TMEM175: variants seen among roughly 807,000 people sequenced by gnomAD.
The protein encoded by TMEM175 is endosomal/lysosomal proton channel TMEM175.
A neutral mutation model predicts 36.5 loss-of-function variants in TMEM175; 36 were observed. That is an observed-to-expected ratio of 0.99 (90% CI 0.76 to 1.30). The LOEUF (loss-of-function observed/expected upper bound fraction) is 1.30, where lower values mean the gene tolerates loss of function less well. TMEM175 is among the 50% of genes most tolerant of loss of function. TMEM175 has a pLI of 0.00. For synonymous variants in TMEM175, 339 were observed against 313.4 expected, an observed-to-expected ratio of 1.08 and a Z score of -0.86; for missense variants, 705 against 692.8, an observed-to-expected ratio of 1.02 and a Z score of -0.20.
intron 8 of TMEM175, among the ~76,000 whole-genome samples, chr4:955,180 G>A (rs1192726630): frequency 1.3e-5 from 2 of 152,124 alleles, no homozygotes; most frequent in African/African-American, 2.4e-5. Flanking sequence ...GGGCCCAAGC[G>A]ATCCACCTGC....
intron 3 of TMEM175, 168 bp downstream of exon 3, chr4:948,322 C>G: frequency 6.5e-7 from 1 of 1,543,130 alleles, no homozygotes; most frequent in East Asian, 2.4e-5. Context: ...GCCAACAAGT[C>G]CTGCTCAGCC....
Position 958,450 on chromosome 4 carries a change from C to A in TMEM175, c.1469C>A (p.Thr490Lys). 6.3e-7 allele frequency: 1 copy of A among 1,580,714 alleles called. No individual in the cohort carries two copies. The highest frequency in any genetic ancestry group is 8.5e-7 in the Non-Finnish European group (1 of 1,169,640). ...CCCGAACACCCCCCGCCAGCCCCCA[C>A]GGGCCAGGACGACCCACAGTCCCAG... is the stretch of plus-strand genomic sequence containing the variant. The part of the protein sequence containing the change: ...ARPEHPPPAP[T>K]GQDDPQSQLL... The change falls in exon 11 of 11, where the codon ACG becomes AAG. Residue 490 changes from threonine to lysine, a missense_variant. Coordinates refer to ENST00000264771, the MANE Select transcript of TMEM175 (RefSeq NM_032326.4).
chr4:957,252 T>A (rs3733344), intron 10 of TMEM175, among the ~76,000 whole-genome samples: 1 of 151,414 alleles, frequency 6.6e-6, no homozygotes, highest in African/African-American at 2.4e-5. Flanking sequence ...TGTCCTTCAC[T>A]TCCCGATGTT....
rs1403699583 is a variant in TMEM175, at chr4:955,476, G to C, written c.699G>C (p.Arg233Ser). ...VSKVTGWCRD[R>S]LLGHREPSAH... Reference sequence around the variant, plus strand: ...AGGTCACCGGCTGGTGCAGAGACAGGCTCCTGGGTAGGTGATGACTGGGTG... The same window carrying C: ...AGGTCACCGGCTGGTGCAGAGACAGCCTCCTGGGTAGGTGATGACTGGGTG... The change falls in exon 9 of 11, where the codon AGG becomes AGC. Residue 233 changes from arginine (R) to serine (S), a missense_variant. By Grantham distance (110) the Arg-to-Ser change is moderately radical. Transcript: ENST00000264771. The C allele has an allele frequency of 6.2e-7, 1 of 1,614,014 alleles. No homozygotes were observed. Among genetic ancestry groups the C allele is most frequent in the Non-Finnish European group, 8.5e-7 (1 of 1,179,942 alleles).
At chr4:956,457 T>G in intron 10 of TMEM175, 1 of 1,280,946 alleles carries the variant, frequency 7.8e-7, no homozygotes, top group Non-Finnish European at 1.0e-6. Flanking sequence ...TTTTTTTTTT[T>G]TTTTTGAGAC....
In TMEM175 at chr4:956,152, C is replaced by T. The variant is rs553159115; in HGVS notation, c.842+262C>T. ...CGAGGATGGGGTGCCAGGGTGAGGT[C>T]AGCACCAGCAGCCAACTGCTCTCCT... On this transcript the variant is annotated intron_variant, in intron 10 of 10. Transcript: ENST00000264771. 5.0e-5 allele frequency: 34 copies of T among 683,910 alleles called. No homozygotes were observed. In the African/African-American group the frequency reaches 5.8e-4, roughly 12 times the overall value. 42.4% of individuals were successfully genotyped at this position (683,910 alleles called of 1,614,324 possible). A position where few individuals can be genotyped will look rare whatever the true frequency, so the allele number is the denominator to read the frequency against.
rs1372297154 is a variant in TMEM175, at chr4:932,921, C to G, written c.-32+381C>G. Among the ~76,000 whole-genome samples the G allele has an allele frequency of 1.3e-5, 2 of 152,172 alleles. No individual in the cohort carries two copies. Among genetic ancestry groups the G allele is most frequent in the African/African-American group, 4.8e-5 (2 of 41,436 alleles). Reference sequence around the variant, plus strand: ...CCAGGGTCTGGCCTGGGGCAGTGACCAGTAGTGGGAGCCGTGGGCTAGAAA... The same window carrying G: ...CCAGGGTCTGGCCTGGGGCAGTGACGAGTAGTGGGAGCCGTGGGCTAGAAA... On this transcript the variant is annotated intron_variant, in intron 1 of 10. Coordinates refer to ENST00000264771, the MANE Select transcript of TMEM175 (RefSeq NM_032326.4). This position sits in a 1 kb window ranked among gnomAD's most constrained non-coding sequence, Gnocchi z 4.0.
At position 958,449 on chromosome 4, in the gene TMEM175, A is replaced by G. The variant is rs1277630814; in HGVS notation, c.1468A>G (p.Thr490Ala). ...GCCCGAACACCCCCCGCCAGCCCCC[A>G]CGGGCCAGGACGACCCACAGTCCCA... ...ARPEHPPPAPTGQDDPQSQLL... is the reference protein window; with the variant it reads ...ARPEHPPPAPAGQDDPQSQLL... The change falls in exon 11 of 11, where the codon ACG becomes GCG. Residue 490 changes from threonine to alanine, a missense_variant. By Grantham distance (58) the Thr-to-Ala change is moderately conservative. Coordinates refer to ENST00000264771, the MANE Select transcript of TMEM175 (RefSeq NM_032326.4). The G allele has an allele frequency of 6.3e-7, 1 of 1,580,356 alleles. No homozygotes were observed. Among genetic ancestry groups the G allele is most frequent in the Non-Finnish European group, 8.5e-7 (1 of 1,169,672 alleles).
chr4:948,016 A>T (rs754169962), intron 2 of TMEM175, 100 bp from the exon 3 acceptor site: 1 of 1,608,692 alleles, frequency 6.2e-7, no homozygotes. Flanking sequence ...CAGGCAGCTT[A>T]GGGGGGCCCA....
chr4:956,360 C>G, intron 10 of TMEM175: 9 of 1,291,154 alleles, frequency 7.0e-6, no homozygotes, highest in Non-Finnish European at 9.1e-6. Flanking sequence ...CTTCCAGCGT[C>G]TGCTCCTCCG....
At chr4:954,533 C>T (rs537628075) in intron 8 of TMEM175, among the ~76,000 whole-genome samples, 3 of 152,156 alleles carry the variant, frequency 2.0e-5, no homozygotes, top group South Asian at 4.2e-4. Context: ...CCGTGAGTGG[C>T]GCCGGTGTGA....
At chr4:956,139 G>A (rs1285830330) in intron 10 of TMEM175, among the ~76,000 whole-genome samples, 1 of 143,044 alleles carries the variant, frequency 7.0e-6, no homozygotes, top group Non-Finnish European at 1.5e-5. Context: ...AGGATGGGGT[G>A]CCAGGGTGAG....
chr4:947,608 C>G (rs878959324), intron 1 of TMEM175, 101 bp from the exon 2 acceptor site: 3 of 890,882 alleles, frequency 3.4e-6, no homozygotes, highest in African/African-American at 1.7e-5. Flanking sequence ...GCGGCCAAGC[C>G]CCCCCCCATA....
intron 8 of TMEM175, 67 bp from the exon 9 acceptor site, chr4:955,338 T>TTG (rs1729466953): frequency 2.4e-6 from 3 of 1,269,036 alleles, no homozygotes; most frequent in Non-Finnish European, 3.4e-6. Context: ...GCACACAGCT[T>TTG]TGTGTGGGTA....
chr4:936,512 C>T (rs1357905293), intron 1 of TMEM175, among the ~76,000 whole-genome samples: 3 of 152,102 alleles, frequency 2.0e-5, no homozygotes, highest in African/African-American at 7.2e-5. Flanking sequence ...AGGCAAGACA[C>T]AAATTACCAA....
At chr4:948,658 G>A in intron 3 of TMEM175, 3 of 1,221,322 alleles carry the variant, frequency 2.5e-6, no homozygotes, top group South Asian at 3.0e-5. Context: ...CACCTTGACT[G>A]TTTCTGAGCT....
In TMEM175 at chr4:958,396, CCCTGCGGGT is replaced by C. The variant is rs751902694; in HGVS notation, c.1424_1432del (p.Val475_Arg477del). On this transcript the variant is annotated inframe_deletion, in exon 11 of 11. Transcript: ENST00000264771. The stretch of plus-strand genomic sequence containing the variant: ...CTGCTCGTGGGCCTGGCCCTGGCCA[CCCTGCGGGT>C]CCTGCGGGGCCTCGCCCGGCCCGAA... The C allele has an allele frequency of 5.7e-5, 91 of 1,601,108 alleles. No individual in the cohort carries two copies. In the East Asian group the frequency reaches 1.4e-3, roughly 24 times the overall value.
intron 7 of TMEM175, 104 bp from the exon 8 acceptor site, chr4:953,086 C>A (rs1267766517): frequency 5.5e-6 from 7 of 1,280,012 alleles, no homozygotes; most frequent in Admixed American, 2.7e-5. Context: ...GTCCTCCCCA[C>A]CTCGAGACCC....
At chr4:948,436 G>A in intron 3 of TMEM175, 8 of 1,504,106 alleles carry the variant, frequency 5.3e-6, no homozygotes, top group Non-Finnish European at 7.1e-6. Context: ...CCCTGGAAGT[G>A]AGCCAGAGGA....
Sources: gnomAD v4.1 joint callset for allele counts (sites outside exome capture counted in the v4.1 genomes callset) on GRCh38, gnomAD v4.1.1 for gene constraint, Gnocchi (gnomAD v3.1) non-coding constraint, MANE v1.5 for transcripts, NCBI Gene and HGNC (gene_info 2026-07-23, HGNC 2026-07-21) for gene names.